Variants in ZNF469 observed in about 807,000 individuals in gnomAD.
The protein encoded by ZNF469 is zinc finger protein 469.
ZNF469 carries 1 observed loss-of-function variant against 1.0 expected under a neutral mutation model. The ratio of observed to expected loss-of-function variants is 1.00; its 90% CI spans 0.35 to 4.73. The LOEUF is 4.73. ZNF469 is among the 30% of genes most tolerant of loss of function. ZNF469 has a pLI of 0.16. For synonymous variants in ZNF469, 2,703 were observed against 2,363.4 expected, an observed-to-expected ratio of 1.14 and a Z score of -4.17; for missense variants, 6,100 against 5,356.3, an observed-to-expected ratio of 1.14 and a Z score of -4.33.
chr16:88,381,308 A>ACACACACGCAC (rs2092524238), upstream of ZNF469, among the ~76,000 whole-genome samples: 1 of 148,532 alleles, frequency 6.7e-6, no homozygotes, highest in Admixed American at 6.7e-5. Flanking sequence ...ACATGCACTC[A>ACACACACGCAC]TGCACTCACA....
chr16:88,351,899 G>A, the ZNF469 span, among the ~76,000 whole-genome samples: 7 of 152,356 alleles, frequency 4.6e-5, no homozygotes, highest in South Asian at 4.1e-4. Context: ...AGTGGGTTTC[G>A]AAACTGGGTC....
the ZNF469 span, among the ~76,000 whole-genome samples, chr16:88,116,995 G>T: frequency 1.3e-5 from 2 of 151,384 alleles, no homozygotes; most frequent in Admixed American, 1.3e-4. Flanking sequence ...ACACACACCA[G>T]GGCATGCAGA....
intron 1 of ZNF469, among the ~76,000 whole-genome samples, chr16:88,406,216 G>A (rs1361758277): frequency 6.6e-6 from 1 of 152,224 alleles, no homozygotes; most frequent in Admixed American, 6.5e-5. Flanking sequence ...ACGGGAAATG[G>A]GGTGGGAGGG....
the ZNF469 span, among the ~76,000 whole-genome samples, chr16:88,169,120 A>G: frequency 3.3e-5 from 5 of 152,126 alleles, no homozygotes; most frequent in Admixed American, 6.5e-5. The surrounding 1 kb of genome is among the most constrained non-coding windows in gnomAD (Gnocchi z 6.1). Context: ...TGGGAGGGTC[A>G]GCTGTGAAGA....
At chr16:88,289,727 C>T in the ZNF469 span, among the ~76,000 whole-genome samples, 1 of 152,190 alleles carries the variant, frequency 6.6e-6, no homozygotes, top group Non-Finnish European at 1.5e-5. Context: ...TGTTCCTAAG[C>T]TCTCTTGGTC....
At chr16:88,383,867 C>G (rs956404976) in intron 1 of ZNF469, among the ~76,000 whole-genome samples, 2 of 152,168 alleles carry the variant, frequency 1.3e-5, no homozygotes, top group African/African-American at 2.4e-5. Flanking sequence ...CCCCCAGAGG[C>G]TTTTGCAGAG....
At chr16:88,311,247 C>T in the ZNF469 span, among the ~76,000 whole-genome samples, 3 of 152,308 alleles carry the variant, frequency 2.0e-5, no homozygotes, top group Admixed American at 1.3e-4. Context: ...CAGGATGCAT[C>T]GCAGGGGACA....
At chr16:88,217,120 C>G in the ZNF469 span, among the ~76,000 whole-genome samples, 1 of 151,620 alleles carries the variant, frequency 6.6e-6, no homozygotes. Context: ...TGTGGTCCTG[C>G]CTTTGGTCAT....
chr16:88,103,690 G>A, the ZNF469 span, among the ~76,000 whole-genome samples: 449 of 152,150 alleles, frequency 3.0e-3, 2 homozygotes, highest in Admixed American at 7.3e-3. Context: ...ATAATCCTCC[G>A]TGGCACGAGG....
chr16:88,357,021 G>A, the ZNF469 span, among the ~76,000 whole-genome samples: 1 of 152,260 alleles, frequency 6.6e-6, no homozygotes, highest in African/African-American at 2.4e-5. Context: ...TGGGGGAGCT[G>A]CAGGGTGCCC....
chr16:88,412,828 C>T lies in ZNF469; in HGVS notation c.-191-11979C>T, dbSNP rs74032846. On this transcript the variant is annotated intron_variant, in intron 1 of 2. Transcript: ENST00000565624. ...AGTAGTTACTTGTTTTACATGAATT[C>T]TTGCCAAAGTTTTTAAATGGGGAGA... is the stretch of plus-strand genomic sequence containing the variant. Among the ~76,000 whole-genome samples, 1,187 of 152,322 alleles carry T rather than the reference C, an allele frequency of 7.8e-3. 12 individuals carry two copies. The highest frequency in any genetic ancestry group is 0.027 in the African/African-American group (1,137 of 41,574).
chr16:88,103,930 C>T, the ZNF469 span, among the ~76,000 whole-genome samples: 2 of 151,876 alleles, frequency 1.3e-5, no homozygotes, highest in East Asian at 4.0e-4. Context: ...GTGGAATAAT[C>T]CTCCGTGGCA....
the ZNF469 span, among the ~76,000 whole-genome samples, chr16:88,239,695 A>G: frequency 3.5e-4 from 2 of 5,722 alleles, no homozygotes; most frequent in Non-Finnish European, 5.7e-4. Flanking sequence ...ATATATATAT[A>G]TATATATATA....
At chr16:88,161,864 C>A in the ZNF469 span, among the ~76,000 whole-genome samples, 1 of 152,172 alleles carries the variant, frequency 6.6e-6, no homozygotes, top group Non-Finnish European at 1.5e-5. Flanking sequence ...CAATGTCCTG[C>A]ACTTGGGCAA....
At chr16:88,232,390 C>G in the ZNF469 span, among the ~76,000 whole-genome samples, 1 of 152,192 alleles carries the variant, frequency 6.6e-6, no homozygotes, top group Admixed American at 6.5e-5. Flanking sequence ...ACAGCTCCCC[C>G]TCCCACCACC....
chr16:88,134,019 C>T, the ZNF469 span, among the ~76,000 whole-genome samples: 1 of 152,194 alleles, frequency 6.6e-6, no homozygotes, highest in South Asian at 2.1e-4. Flanking sequence ...CAATAGAACC[C>T]CCCCGGAGGT....
At chr16:88,243,321 C>T in the ZNF469 span, among the ~76,000 whole-genome samples, 3 of 152,226 alleles carry the variant, frequency 2.0e-5, no homozygotes, top group African/African-American at 7.2e-5. Flanking sequence ...TACCACTGAG[C>T]TCTTCCATGG....
At chr16:88,188,702 C>T in the ZNF469 span, among the ~76,000 whole-genome samples, 280 of 149,970 alleles carry the variant, frequency 1.9e-3, 6 homozygotes, top group Admixed American at 0.013. Flanking sequence ...GCTGGGAACA[C>T]GGATCCCAGT....
the ZNF469 span, among the ~76,000 whole-genome samples, chr16:88,347,339 A>G: frequency 6.6e-6 from 1 of 152,172 alleles, no homozygotes; most frequent in Non-Finnish European, 1.5e-5. Flanking sequence ...GCTCAAGTGA[A>G]GACATGGTCA....
Sources: gnomAD v4.1 joint callset for allele counts (sites outside exome capture counted in the v4.1 genomes callset) on GRCh38, gnomAD v4.1.1 for gene constraint, Gnocchi (gnomAD v3.1) non-coding constraint, MANE v1.5 for transcripts, NCBI Gene and HGNC (gene_info 2026-07-23, HGNC 2026-07-21) for gene names.